The following POLR1C variants were observed in gnomAD, a reference collection of about 807,000 sequenced individuals.
POLR1C encodes the protein DNA-directed RNA polymerases I and III subunit RPAC1.
Under a neutral mutation model 38.3 loss-of-function variants are expected in POLR1C, and 42 were observed. That is an observed-to-expected ratio of 1.10 (90% confidence interval 0.86 to 1.42). The LOEUF (loss-of-function observed/expected upper bound fraction) is 1.42. POLR1C is among the 40% of genes most tolerant of loss of function. POLR1C has a pLI of 0.00. For missense variants in POLR1C, 507 were observed against 450.5 expected (o/e 1.13, Z -1.14); for synonymous variants, 163 against 163.9 (o/e 0.99, Z 0.04).
downstream of POLR1C, chr6:43,531,366 T>A: frequency 1.7e-5 from 16 of 941,256 alleles, no homozygotes; most frequent in Non-Finnish European, 2.5e-5. Flanking sequence ...AAGTTTCCTA[T>A]CAAACTCTTG....
chr6:43,544,801 C>G (rs1268845690), intron 9 of POLR1C, among the ~76,000 whole-genome samples: 2 of 152,088 alleles, frequency 1.3e-5, no homozygotes, highest in Non-Finnish European at 2.9e-5. Context: ...AATGTTTAAC[C>G]CTCTCAGTAC....
intron 10 of POLR1C, chr6:43,551,085 A>G (rs2127732555): frequency 2.6e-6 from 1 of 379,948 alleles, no homozygotes; most frequent in Non-Finnish European, 4.6e-6. Context: ...AATTTTAAAA[A>G]TAGTTACAAA....
chr6:43,553,767 T>C, intron 10 of POLR1C: 1 of 447,468 alleles, frequency 2.2e-6, no homozygotes. Context: ...CTATGAGCCT[T>C]GTAGTAAAAC....
At chr6:43,525,779 G>GT, downstream of POLR1C, 5 of 1,560,308 alleles carry the variant, frequency 3.2e-6, no homozygotes, top group Non-Finnish European at 4.4e-6. Flanking sequence ...AGCAAGAAAA[G>GT]TAAAAGGTGA....
chr6:43,525,855 C>T, downstream of POLR1C: 1 of 1,614,056 alleles, frequency 6.2e-7, no homozygotes, highest in Non-Finnish European at 8.5e-7. Flanking sequence ...CTTCATCAGA[C>T]ATTTGCCCAG....
chr6:43,533,723 T>G (rs1296151572), downstream of POLR1C: 1 of 369,074 alleles, frequency 2.7e-6, no homozygotes, highest in East Asian at 5.6e-5. Context: ...GTGGTCCAAC[T>G]ACTCGGGAGG....
chr6:43,547,598 A>G (rs1440988131), intron 9 of POLR1C: 33 of 1,612,748 alleles, frequency 2.0e-5, no homozygotes, highest in African/African-American at 4.0e-5. Flanking sequence ...CATTCCCAGG[A>G]AAGTCTTACT....
At chr6:43,527,049 A>G (rs1259233266) in intron 8 of POLR1C, 3 of 299,748 alleles carry the variant, frequency 1.0e-5, no homozygotes, top group African/African-American at 6.3e-5. Flanking sequence ...AAACAAAATG[A>G]CACAGTAAAA....
downstream of POLR1C, chr6:43,523,796 G>T: frequency 1.2e-6 from 2 of 1,611,692 alleles, no homozygotes; most frequent in African/African-American, 1.3e-5. Context: ...TGCAAGAAGG[G>T]CCTAGAGATC....
chr6:43,531,723 T>C (rs188425379), downstream of POLR1C: 2 of 690,124 alleles, frequency 2.9e-6, no homozygotes, highest in Admixed American at 2.4e-5. Context: ...CGTGATTTGC[T>C]GCACTCTTTT....
intron 2 of POLR1C, among the ~76,000 whole-genome samples, chr6:43,517,703 A>G (rs1278720498): frequency 1.3e-5 from 2 of 152,134 alleles, no homozygotes; most frequent in Non-Finnish European, 2.9e-5. Flanking sequence ...GGTACTTAAC[A>G]TTTCAAGAGG....
At chr6:43,562,393 G>T in exon 11 of POLR1C, 1 of 1,390,420 alleles carries the variant, frequency 7.2e-7, no homozygotes. Flanking sequence ...TAAAAAGGCT[G>T]TAATAAAAAC....
At chr6:43,549,854 CAAG>C in intron 9 of POLR1C, 1 of 1,577,656 alleles carries the variant, frequency 6.3e-7, no homozygotes, top group Non-Finnish European at 8.7e-7. Context: ...CATTTGTACT[CAAG>C]AAGTTAGAAT....
chr6:43,539,241 T>C, intron 9 of POLR1C: 2 of 1,319,730 alleles, frequency 1.5e-6, no homozygotes, highest in South Asian at 1.2e-5. Flanking sequence ...GCCAGGATGA[T>C]GGCCCCACGG....
downstream of POLR1C, among the ~76,000 whole-genome samples, chr6:43,530,126 A>G (rs1218228131): frequency 2.0e-5 from 3 of 151,998 alleles, no homozygotes; most frequent in Admixed American, 1.3e-4. Context: ...GCGTAGTAGC[A>G]TGCGCCTGTA....
chr6:43,532,870 C>G (rs989801612), downstream of POLR1C, among the ~76,000 whole-genome samples: 1 of 152,174 alleles, frequency 6.6e-6, no homozygotes, highest in African/African-American at 2.4e-5. Context: ...GAAGGCCAGG[C>G]GTGGTGGCTC....
chr6:43,553,510 AACAC>A lies in POLR1C; in HGVS notation c.*48+2511_*48+2514del, dbSNP rs749301680. The A allele has an allele frequency of 1.2e-5, 18 of 1,503,400 alleles. No individual in the cohort carries two copies. Among genetic ancestry groups the A allele is most frequent in the South Asian group, 1.2e-5 (1 of 80,652 alleles). 93.1% of individuals were successfully genotyped at this position (1,503,400 alleles called of 1,614,324 possible). On this transcript the variant is annotated intron_variant, in intron 10 of 10. Transcript: ENST00000607635. ...GTTCCAACTGCAGAACAAGCTTTAA[AACAC>A]ACACACACACATACACACACACACA... is the stretch of plus-strand genomic sequence containing the variant.
intron 10 of POLR1C, chr6:43,551,119 G>T: frequency 4.0e-6 from 2 of 499,022 alleles, no homozygotes; most frequent in Non-Finnish European, 6.6e-6. Flanking sequence ...GGCCAGGCAT[G>T]GTTGTGCATG....
downstream of POLR1C, chr6:43,523,302 G>A (rs948647357): frequency 8.6e-6 from 2 of 232,688 alleles, no homozygotes; most frequent in Admixed American, 5.2e-5. Context: ...CCAGATTCTT[G>A]CCCAAAGCAA....
Sources: gnomAD v4.1 joint callset for allele counts (sites outside exome capture counted in the v4.1 genomes callset) on GRCh38, gnomAD v4.1.1 for gene constraint, MANE v1.5 for transcripts, NCBI Gene and HGNC (gene_info 2026-07-23, HGNC 2026-07-21) for gene names.